VAV2: variants seen among roughly 807,000 people sequenced by gnomAD.
VAV2 encodes the protein guanine nucleotide exchange factor VAV2.
VAV2 carries 67 observed loss-of-function variants against 132.5 expected under a neutral mutation model. The ratio of observed to expected loss-of-function variants is 0.51; its 90% CI spans 0.42 to 0.62. The LOEUF (loss-of-function observed/expected upper bound fraction) is 0.62. Among genes scored for constraint, VAV2 ranks in the 20% least tolerant of loss-of-function variants. The pLI, the probability that VAV2 is intolerant of heterozygous loss-of-function variation, is 0.00. For missense variants in VAV2, 938 were observed against 1,153.6 expected, an observed-to-expected ratio of 0.81 and a Z score of 2.71; for synonymous variants, 492 against 443.5, an observed-to-expected ratio of 1.11 and a Z score of -1.37.
At chr9:133,867,353 T>C (rs562093324) in intron 2 of VAV2, among the ~76,000 whole-genome samples, 2 of 152,298 alleles carry the variant, frequency 1.3e-5, no homozygotes, top group East Asian at 1.9e-4. Context: ...GCCAAAAAAG[T>C]GACCCAATCA....
At chr9:133,983,978 G>GT (rs906793848) in intron 1 of VAV2, among the ~76,000 whole-genome samples, 4 of 151,996 alleles carry the variant, frequency 2.6e-5, no homozygotes, top group African/African-American at 9.7e-5. Flanking sequence ...TGAGTTTTTT[G>GT]TTTTTTCTTT....
chr9:133,820,981 G>A (rs1479383686), intron 4 of VAV2, among the ~76,000 whole-genome samples: 4 of 152,198 alleles, frequency 2.6e-5, no homozygotes, highest in African/African-American at 7.2e-5. Flanking sequence ...AATCCCACAG[G>A]GGAGGGGCCG....
At chr9:133,830,522 G>A (rs1836222504) in intron 4 of VAV2, among the ~76,000 whole-genome samples, 1 of 152,186 alleles carries the variant, frequency 6.6e-6, no homozygotes, top group Admixed American at 6.5e-5. Flanking sequence ...TCTTGCTGCT[G>A]CCATGTGAAG....
intron 9 of VAV2, among the ~76,000 whole-genome samples, chr9:133,798,911 G>A (rs1452680078): frequency 6.6e-6 from 1 of 152,240 alleles, no homozygotes; most frequent in Non-Finnish European, 1.5e-5. Flanking sequence ...AGGGCTGTGT[G>A]TTGGTGTCTG....
chr9:133,926,115 A>C lies in VAV2; in HGVS notation c.321+12988T>G, dbSNP rs1186304057. 1 of 151,834 alleles carries C rather than the reference A, an allele frequency of 6.6e-6. No individual in the cohort carries two copies. The highest frequency in any genetic ancestry group is 1.9e-4 in the East Asian group (1 of 5,144). 9.4% of individuals were successfully genotyped at this position (151,834 alleles called of 1,614,324 possible). A position where few individuals can be genotyped will look rare whatever the true frequency, so the allele number is the denominator to read the frequency against. On this transcript the variant is annotated intron_variant, in intron 2 of 29. Coordinates refer to ENST00000371850, the MANE Select transcript of VAV2 (RefSeq NM_001134398.2). The surrounding 1 kb of genome is among the most constrained non-coding windows in gnomAD (Gnocchi z 4.3). ...GACTCACAGGAAAGAGAAGTGACAA[A>C]GACCCACCCAAGAGGTCATCCAGCC... is the stretch of plus-strand genomic sequence containing the variant.
Position 133,768,909 on chromosome 9 carries a change from T to G in VAV2, c.2435-313A>C, listed in dbSNP as rs1040316728. Among the ~76,000 whole-genome samples, 2 of 152,062 alleles carry G rather than the reference T, an allele frequency of 1.3e-5. No homozygotes were observed. Among genetic ancestry groups the G allele is most frequent in the Non-Finnish European group, 2.9e-5 (2 of 68,022 alleles). On this transcript the variant is annotated intron_variant, in intron 28 of 29. Transcript: ENST00000371850. This position sits in a 1 kb window ranked among gnomAD's most constrained non-coding sequence, Gnocchi z 5.3. ...CCCCCAAATCCAACCAGAAACCCAG[T>G]GGAACCAGCTTGGCCCAGATGCAGA... is the stretch of plus-strand genomic sequence containing the variant.
intron 17 of VAV2, 96 bp from the exon 18 acceptor site, chr9:133,784,514 G>T: frequency 1.5e-6 from 2 of 1,364,010 alleles, no homozygotes; most frequent in Non-Finnish European, 2.1e-6. Flanking sequence ...CCGGACCCAG[G>T]CTGTGCAGAA....
chr9:133,910,932 C>G (rs2519795), intron 2 of VAV2, among the ~76,000 whole-genome samples: 146,517 of 152,082 alleles, frequency 0.96, 70,737 homozygotes, highest in Non-Finnish European at 1. Context: ...TCCCGCAGAC[C>G]GCAAGCCCAT....
intron 1 of VAV2, among the ~76,000 whole-genome samples, chr9:133,966,042 T>C (rs1842130667): frequency 6.6e-6 from 1 of 152,098 alleles, no homozygotes; most frequent in Non-Finnish European, 1.5e-5. Flanking sequence ...GAAAGAACAA[T>C]CTCTAATAAA....
At chr9:133,909,924 G>T (rs1354632942) in intron 2 of VAV2, among the ~76,000 whole-genome samples, 1 of 152,152 alleles carries the variant, frequency 6.6e-6, no homozygotes, top group Non-Finnish European at 1.5e-5. Flanking sequence ...GCAAGGGCAG[G>T]GCTGGGGGCC....
intron 3 of VAV2, among the ~76,000 whole-genome samples, chr9:133,856,984 A>T (rs570098069): frequency 3.5e-4 from 53 of 152,350 alleles, no homozygotes; most frequent in Admixed American, 8.5e-4. Flanking sequence ...GCACAGACAC[A>T]GAGCAACCCC....
chr9:133,800,480 G>A lies in VAV2; in HGVS notation c.837-2671C>T, dbSNP rs528762351. ...TGCTGCTGGGGCTGGGGCCACGCTC[G>A]GGCCCGAGGGACACCACACTGCCTG... On this transcript the variant is annotated intron_variant, in intron 9 of 29. Coordinates refer to ENST00000371850, the MANE Select transcript of VAV2 (RefSeq NM_001134398.2). Among the ~76,000 whole-genome samples the A allele has an allele frequency of 2.0e-3, 308 of 152,302 alleles. 1 individual carries two copies. The highest frequency in any genetic ancestry group is 6.3e-3 in the African/African-American group (260 of 41,560).
intron 2 of VAV2, among the ~76,000 whole-genome samples, chr9:133,867,594 C>T (rs966882797): frequency 1.3e-5 from 2 of 152,264 alleles, no homozygotes; most frequent in African/African-American, 4.8e-5. Flanking sequence ...CTGGCCACCA[C>T]CTACAGACCC....
At chr9:133,893,750 C>G (rs974543022) in intron 2 of VAV2, among the ~76,000 whole-genome samples, 15 of 152,322 alleles carry the variant, frequency 9.8e-5, no homozygotes, top group African/African-American at 3.6e-4. Flanking sequence ...GTGATTCCAC[C>G]CACAGCCGCG....
chr9:133,845,704 C>T (rs541965235), intron 3 of VAV2, among the ~76,000 whole-genome samples: 123 of 152,362 alleles, frequency 8.1e-4, no homozygotes, highest in African/African-American at 2.9e-3. Flanking sequence ...ACTACCCTTC[C>T]ATCCCCTGCC....
intron 1 of VAV2, among the ~76,000 whole-genome samples, chr9:133,970,976 G>A (rs939926002): frequency 6.6e-6 from 1 of 152,234 alleles, no homozygotes; most frequent in African/African-American, 2.4e-5. Flanking sequence ...AGAAGGGAAT[G>A]GTGTGTGAAA....
chr9:133,967,349 G>C (rs1842176233), intron 1 of VAV2, among the ~76,000 whole-genome samples: 2 of 152,070 alleles, frequency 1.3e-5, no homozygotes, highest in African/African-American at 4.8e-5. Flanking sequence ...ACAGTACAGA[G>C]GGTCCTCAAA....
intron 22 of VAV2, among the ~76,000 whole-genome samples, chr9:133,777,978 G>A (rs758707609): frequency 1.2e-4 from 19 of 152,288 alleles, no homozygotes; most frequent in East Asian, 5.8e-4. Context: ...GCCCCGTGGC[G>A]CTCTGCTGAC....
chr9:133,937,437 T>TGTGC (rs55981523), intron 2 of VAV2, among the ~76,000 whole-genome samples: 1 of 147,012 alleles, frequency 6.8e-6, no homozygotes. Context: ...TGTGTGTGTG[T>TGTGC]ATGTGAGCTG....
Sources: gnomAD v4.1 joint callset for allele counts (sites outside exome capture counted in the v4.1 genomes callset) on GRCh38, gnomAD v4.1.1 for gene constraint, Gnocchi (gnomAD v3.1) non-coding constraint, MANE v1.5 for transcripts, NCBI Gene and HGNC (gene_info 2026-07-23, HGNC 2026-07-21) for gene names.